The following ARHGAP35 variants were observed in gnomAD, a reference collection of about 807,000 sequenced individuals.
ARHGAP35 encodes rho GTPase-activating protein 35.
Under a neutral mutation model 111.1 loss-of-function variants are expected in ARHGAP35, and 15 were observed. The ratio of observed to expected loss-of-function variants is 0.13; its 90% CI spans 0.09 to 0.21. The LOEUF is 0.21. Ranked by LOEUF, ARHGAP35 falls within the 10% of genes least tolerant of loss-of-function variation. The probability of loss-of-function intolerance (pLI) is 1.00; values close to 1 mark genes in which losing one functional copy is unlikely to be tolerated. For synonymous variants in ARHGAP35, 643 were observed against 710.3 expected, an observed-to-expected ratio of 0.91 and a Z score of 1.51; for missense variants, 1,262 against 1,873.0, an observed-to-expected ratio of 0.67 and a Z score of 6.02.
Position 47,001,738 on chromosome 19 carries a change from G to C in ARHGAP35, c.*1050G>C, listed in dbSNP as rs1378272760. The C allele has an allele frequency of 2.2e-5, 7 of 313,014 alleles. No homozygotes were observed. The highest frequency in any genetic ancestry group is 1.1e-3 in the Middle Eastern group (1 of 896). The allele number at this position is 313,014 out of a possible 1,614,324, so 19.4% of individuals were successfully genotyped here. A position where few individuals can be genotyped will look rare whatever the true frequency, so the allele number is the denominator to read the frequency against. On this transcript the variant is annotated 3_prime_UTR_variant, in exon 7 of 7. Transcript: ENST00000672722. The surrounding 1 kb of genome is among the most constrained non-coding windows in gnomAD (Gnocchi z 5.4). Reference sequence around the variant, plus strand: ...AATTGAGCATGTGCGTGGGGTGGGGGTGTGTGTGCACATGTGAGTGTGAGT... The same window carrying C: ...AATTGAGCATGTGCGTGGGGTGGGGCTGTGTGTGCACATGTGAGTGTGAGT...
At position 46,999,946 on chromosome 19, in the gene ARHGAP35, TGGA is replaced by T. The variant is rs964330435; in HGVS notation, c.4143-380_4143-378del. The T allele has an allele frequency of 2.3e-5, 6 of 258,606 alleles. No individual in the cohort carries two copies. The highest frequency in any genetic ancestry group is 8.9e-5 in the African/African-American group (4 of 45,078). 16.0% of individuals were successfully genotyped at this position (258,606 alleles called of 1,614,324 possible). On this transcript the variant is annotated intron_variant, in intron 6 of 6. Transcript: ENST00000672722. The surrounding 1 kb of genome is among the most constrained non-coding windows in gnomAD (Gnocchi z 5.4). Reference sequence around the variant, plus strand: ...GTTGTTCCCTGAAGTTCCATGTGTGTGGAGGAGATCTGCTGGCCGAGTGGCCTC... The same window carrying T: ...GTTGTTCCCTGAAGTTCCATGTGTGTGGAGATCTGCTGGCCGAGTGGCCTC...
intron 3 of ARHGAP35, among the ~76,000 whole-genome samples, chr19:46,975,569 A>T (rs2056575424): frequency 1.3e-5 from 2 of 152,210 alleles, no homozygotes; most frequent in African/African-American, 4.8e-5. Flanking sequence ...TCTCAAAGTA[A>T]TGCTAATCCC....
At chr19:46,973,295 C>T (rs1226539208) in intron 3 of ARHGAP35, among the ~76,000 whole-genome samples, 2 of 151,994 alleles carry the variant, frequency 1.3e-5, no homozygotes, top group East Asian at 1.9e-4. Context: ...ACCTGGGAGG[C>T]GGAGGTTGCA....
rs201796216 is a variant in ARHGAP35, at chr19:46,889,302, A to G, written c.-189+28093A>G. On this transcript the variant is annotated intron_variant, in intron 1 of 6. Transcript: ENST00000672722. ...GACATGGTGAAACCCTGTCTCTACT[A>G]AAAATACAAAAGTTGGTGTGGTGGC... Among the ~76,000 whole-genome samples the G allele has an allele frequency of 2.0e-5, 3 of 151,998 alleles. No individual in the cohort carries two copies. In the East Asian group the frequency reaches 5.8e-4, roughly 30 times the overall value.
rs747275167 is a variant in ARHGAP35 at position 46,937,280 on chromosome 19, C to A, written c.3698C>A (p.Pro1233His). 3 of 1,613,832 alleles carry A rather than the reference C, an allele frequency of 1.9e-6. No homozygotes were observed. The highest frequency in any genetic ancestry group is 8.5e-7 in the Non-Finnish European group (1 of 1,179,764). Residue 1233 changes from proline (P) to histidine (H), a missense_variant, in exon 3 of 7, where the codon CCC becomes CAC. Physicochemically the swap from Pro to His is moderately conservative, Grantham distance 77. Coordinates refer to ENST00000672722, the MANE Select transcript of ARHGAP35 (RefSeq NM_004491.5). ...CCTGGACAGAAACCAAAGCCCAAAC[C>A]CCGGCCATCCATCACAAAGGCAACC... ...RRNTKKPKPKPRPSITKATWE... is the reference protein window; with the variant it reads ...RRNTKKPKPKHRPSITKATWE...
rs536558681 is a variant in ARHGAP35 at position 47,000,849 on chromosome 19, C to T, written c.*161C>T. ...TGGGAGCACCAGCCAATGGTACCAT[C>T]GGCTGGGCTGCCAGGTACCCTGGGC... On this transcript the variant is annotated 3_prime_UTR_variant, in exon 7 of 7. Transcript: ENST00000672722. This position sits in a 1 kb window ranked among gnomAD's most constrained non-coding sequence, Gnocchi z 6.9. The T allele has an allele frequency of 4.8e-5, 74 of 1,537,912 alleles. No homozygotes were observed. In the East Asian group the frequency reaches 1.3e-3, roughly 27 times the overall value.
intron 1 of ARHGAP35, among the ~76,000 whole-genome samples, chr19:46,872,081 T>C (rs2055890677): frequency 6.6e-6 from 1 of 152,174 alleles, no homozygotes; most frequent in Non-Finnish European, 1.5e-5. Context: ...TATGAATGTT[T>C]ATAAATTTAA....
chr19:46,999,572 C>T lies in ARHGAP35; in HGVS notation c.4142+163C>T, dbSNP rs1374945017. On this transcript the variant is annotated intron_variant, in intron 6 of 6. Transcript: ENST00000672722. The surrounding 1 kb of genome is among the most constrained non-coding windows in gnomAD (Gnocchi z 5.4). Reference sequence around the variant, plus strand: ...CATGGTGCCCGCTGGTCTCGGTGCCCAGAGCCTCTGCCTCTCGCCCATCCT... The same window carrying T: ...CATGGTGCCCGCTGGTCTCGGTGCCTAGAGCCTCTGCCTCTCGCCCATCCT... 3.3e-6 allele frequency: 2 copies of T among 605,876 alleles called. No individual in the cohort carries two copies. The highest frequency in any genetic ancestry group is 5.8e-6 in the Non-Finnish European group (2 of 343,132). The allele number at this position is 605,876 out of a possible 1,614,324, so 37.5% of individuals were successfully genotyped here.
chr19:46,913,739 A>C (rs1349182428), intron 1 of ARHGAP35, among the ~76,000 whole-genome samples: 1 of 152,196 alleles, frequency 6.6e-6, no homozygotes, highest in Non-Finnish European at 1.5e-5. Flanking sequence ...TACAGCTCAA[A>C]GATAAAAGTA....
intron 1 of ARHGAP35, among the ~76,000 whole-genome samples, chr19:46,889,750 C>CAAAAAAAA (rs5828291): frequency 1.2e-5 from 1 of 85,238 alleles, no homozygotes; most frequent in African/African-American, 4.8e-5. Flanking sequence ...GACTCCGTCT[C>CAAAAAAAA]AAAAAAAAAA....
Position 47,000,310 on chromosome 19 carries a change from T to A in ARHGAP35, c.4143-21T>A, listed in dbSNP as rs1735773273. On this transcript the variant is annotated intron_variant, in intron 6 of 6. Coordinates refer to ENST00000672722, the MANE Select transcript of ARHGAP35 (RefSeq NM_004491.5). The surrounding 1 kb of genome is among the most constrained non-coding windows in gnomAD (Gnocchi z 6.9). The stretch of plus-strand genomic sequence containing the variant: ...TGGGGCCCTGCACAGTTCTGACCAT[T>A]GAGTTTGGTGTCGCCCGCAGGGTCA... 1 of 1,610,610 alleles carries A rather than the reference T, an allele frequency of 6.2e-7. No individual in the cohort carries two copies.
At chr19:46,864,655 A>G (rs530606316) in intron 1 of ARHGAP35, among the ~76,000 whole-genome samples, 6 of 152,356 alleles carry the variant, frequency 3.9e-5, no homozygotes, top group African/African-American at 1.4e-4. Flanking sequence ...GTAGATTTGT[A>G]TGGTCCCTTG....
Position 46,937,347 on chromosome 19 carries a change from G to A in ARHGAP35, c.3765G>A (p.Val1255=). 6.2e-7 allele frequency: 1 copy of A among 1,613,960 alleles called. No homozygotes were observed. Among genetic ancestry groups the A allele is most frequent in the Non-Finnish European group, 8.5e-7 (1 of 1,179,884 alleles). Residue 1255 remains valine, a synonymous_variant, in exon 3 of 7, where the codon GTG becomes GTA. Transcript: ENST00000672722. ...NYFGVPLTTV[V]TPEKPIPIFI... ...TTGGGGTGCCCTTAACAACTGTCGT[G>A]ACTCCAGAGAAGCCGATCCCCATTT...
In ARHGAP35 at chr19:46,986,275, T is replaced by G. The variant is rs1258093188; in HGVS notation, c.3827-1714T>G. Among the ~76,000 whole-genome samples, 8 of 152,200 alleles carry G rather than the reference T, an allele frequency of 5.3e-5. No homozygotes were observed. Among genetic ancestry groups the G allele is most frequent in the African/African-American group, 1.9e-4 (8 of 41,438 alleles). ...TCAGTAGACAGCTTGGAATCCACTC[T>G]AAGCTGAACAGTGCTCCTCTGCCCA... On this transcript the variant is annotated intron_variant, in intron 3 of 6. Coordinates refer to ENST00000672722, the MANE Select transcript of ARHGAP35 (RefSeq NM_004491.5). This position sits in a 1 kb window ranked among gnomAD's most constrained non-coding sequence, Gnocchi z 4.3.
chr19:46,879,173 C>T (rs1027146491), intron 1 of ARHGAP35, among the ~76,000 whole-genome samples: 6 of 152,100 alleles, frequency 3.9e-5, no homozygotes, highest in Non-Finnish European at 8.8e-5. Context: ...AATTGCTGGG[C>T]GGGCCAGGCA....
At chr19:46,917,632 T>C (rs574970331) in intron 1 of ARHGAP35, among the ~76,000 whole-genome samples, 2 of 152,096 alleles carry the variant, frequency 1.3e-5, no homozygotes, top group Non-Finnish European at 2.9e-5. Context: ...AAATAAAGGT[T>C]GAATAATATT....
At chr19:46,877,305 G>A (rs960225462) in intron 1 of ARHGAP35, among the ~76,000 whole-genome samples, 2 of 149,140 alleles carry the variant, frequency 1.3e-5, no homozygotes, top group African/African-American at 5.0e-5. Context: ...GGTCATGCCT[G>A]TAATCCCAGC....
Position 47,001,672 on chromosome 19 carries a change from C to G in ARHGAP35, c.*984C>G. 2.8e-6 allele frequency: 1 copy of G among 352,986 alleles called. No homozygotes were observed. Among genetic ancestry groups the G allele is most frequent in the Non-Finnish European group, 5.5e-6 (1 of 180,378 alleles). 21.9% of individuals were successfully genotyped at this position (352,986 alleles called of 1,614,324 possible). A position where few individuals can be genotyped will look rare whatever the true frequency, so the allele number is the denominator to read the frequency against. ...GGGAGATGGCAGTGCAGGCTGGAAC[C>G]TGGGCTGCCCCAGAACACAGTCCAT... On this transcript the variant is annotated 3_prime_UTR_variant, in exon 7 of 7. Coordinates refer to ENST00000672722, the MANE Select transcript of ARHGAP35 (RefSeq NM_004491.5). The surrounding 1 kb of genome is among the most constrained non-coding windows in gnomAD (Gnocchi z 5.4).
intron 1 of ARHGAP35, among the ~76,000 whole-genome samples, chr19:46,888,306 ATATATATAT>A (rs2056005254): frequency 4.3e-5 from 3 of 69,890 alleles, no homozygotes; most frequent in African/African-American, 5.7e-5. Context: ...ATATATATAT[ATATATATAT>A]ATAAAATATT....
Sources: gnomAD v4.1 joint callset for allele counts (sites outside exome capture counted in the v4.1 genomes callset) on GRCh38, gnomAD v4.1.1 for gene constraint, Gnocchi (gnomAD v3.1) non-coding constraint, MANE v1.5 for transcripts, NCBI Gene and HGNC (gene_info 2026-07-23, HGNC 2026-07-21) for gene names.